The following PANK1 variants were observed in gnomAD, a reference collection of about 807,000 sequenced individuals.
PANK1 encodes the protein pantothenic acid kinase 1.
PANK1 carries 18 observed loss-of-function variants against 40.1 expected under a neutral mutation model. That is an observed-to-expected ratio of 0.45 (90% confidence interval 0.31 to 0.67). PANK1 has a LOEUF of 0.67. PANK1 is among the 30% of genes least tolerant of loss of function. The probability of loss-of-function intolerance (pLI) is 0.06; values close to 1 mark genes in which losing one functional copy is unlikely to be tolerated. For missense variants in PANK1, 457 were observed against 599.6 expected (o/e 0.76, Z 2.48); for synonymous variants, 242 against 237.7 (o/e 1.02, Z -0.17).
At chr10:89,622,967 C>T (rs1845540154) in intron 1 of PANK1, among the ~76,000 whole-genome samples, 1 of 152,022 alleles carries the variant, frequency 6.6e-6, no homozygotes, top group Non-Finnish European at 1.5e-5. Flanking sequence ...TTTAATTTAA[C>T]CATTAAAATC....
intron 2 of PANK1, among the ~76,000 whole-genome samples, chr10:89,610,588 C>T (rs1204068207): frequency 6.6e-6 from 1 of 152,122 alleles, no homozygotes; most frequent in African/African-American, 2.4e-5. Flanking sequence ...TTTGATGGCA[C>T]AAGTAAAATT....
intron 1 of PANK1, among the ~76,000 whole-genome samples, chr10:89,644,114 C>T (rs1390771012): frequency 1.3e-5 from 2 of 152,310 alleles, no homozygotes; most frequent in East Asian, 3.9e-4. Context: ...GACTTGCGCT[C>T]TCCAATAGAC....
Position 89,584,202 on chromosome 10 carries a change from C to G in PANK1, c.*204G>C. The G allele has an allele frequency of 2.0e-6, 1 of 491,228 alleles. No individual in the cohort carries two copies. The highest frequency in any genetic ancestry group is 4.2e-5 in the South Asian group (1 of 23,786). The allele number at this position is 491,228 out of a possible 1,614,324, so 30.4% of individuals were successfully genotyped here. ...AAAAATACAGTATACAGAAAAAAAA[C>G]CTTTTATATTCCCCCGTTTTGAATC... On this transcript the variant is annotated 3_prime_UTR_variant, in exon 7 of 7. Coordinates refer to ENST00000307534, the MANE Select transcript of PANK1 (RefSeq NM_148977.3).
chr10:89,621,182 T>C (rs575712592), intron 1 of PANK1, among the ~76,000 whole-genome samples: 4 of 152,162 alleles, frequency 2.6e-5, no homozygotes, highest in Admixed American at 6.5e-5. Context: ...ATGCCTGTAA[T>C]CCTAGCTACA....
At chr10:89,582,362 C>G (rs1377740661), downstream of PANK1, 1 of 152,176 alleles carries the variant, frequency 6.6e-6, no homozygotes, top group African/African-American at 2.4e-5. Context: ...TTGTAAAAAA[C>G]AGGCTGGCTA....
At chr10:89,601,251 G>A (rs1026334127) in intron 2 of PANK1, among the ~76,000 whole-genome samples, 3 of 147,806 alleles carry the variant, frequency 2.0e-5, no homozygotes, top group African/African-American at 7.6e-5. Context: ...GAGGTGAGAG[G>A]ATCACTTGAG....
intron 1 of PANK1, among the ~76,000 whole-genome samples, chr10:89,640,424 C>A (rs965011942): frequency 6.6e-6 from 1 of 152,040 alleles, no homozygotes; most frequent in Non-Finnish European, 1.5e-5. Flanking sequence ...CAAACACACA[C>A]ACGATTACCC....
rs1564620194 is a variant in PANK1 at position 89,595,868 on chromosome 10, AT to A, written c.900-1880del. Among the ~76,000 whole-genome samples, 290 of 120,608 alleles carry A rather than the reference AT, an allele frequency of 2.4e-3. 24 individuals carry two copies. The highest frequency in any genetic ancestry group is 5.0e-3 in the Middle Eastern group (1 of 202). The allele number at this position is 120,608 out of a possible 152,430, so 79.1% of individuals were successfully genotyped here. On this transcript the variant is annotated intron_variant, in intron 3 of 6. Transcript: ENST00000307534. The stretch of plus-strand genomic sequence containing the variant: ...TATATATATATATATATATATATAT[AT>A]ATATAACTTCATTTACTAATATATA...
intron 1 of PANK1, 70 bp from the exon 2 acceptor site, chr10:89,612,118 A>T: frequency 8.1e-7 from 1 of 1,234,396 alleles, no homozygotes; most frequent in Non-Finnish European, 1.1e-6. Context: ...TTTGAATATT[A>T]AATAAGCAAA....
In PANK1 at chr10:89,622,897, TACA is replaced by T. The variant is rs1323299352; in HGVS notation, c.293-10852_293-10850del. ...TTATAATAAGAAAACTAATTTATTG[TACA>T]ACAACAGAGGGCTAATTAAACAAAT... On this transcript the variant is annotated intron_variant, in intron 1 of 6. Coordinates refer to ENST00000307534, the MANE Select transcript of PANK1 (RefSeq NM_148977.3). Among the ~76,000 whole-genome samples, 7 of 152,040 alleles carry T rather than the reference TACA, an allele frequency of 4.6e-5. No individual in the cohort carries two copies. In the East Asian group the frequency reaches 5.8e-4, roughly 13 times the overall value.
intron 1 of PANK1, among the ~76,000 whole-genome samples, chr10:89,630,196 AC>A: frequency 6.6e-6 from 1 of 152,334 alleles, no homozygotes; most frequent in East Asian, 1.9e-4. Flanking sequence ...TACCGGCCAA[AC>A]GTTAAGACTT....
At chr10:89,643,710 A>G in intron 1 of PANK1, 1 of 1,613,706 alleles carries the variant, frequency 6.2e-7, no homozygotes, top group Non-Finnish European at 8.5e-7. Context: ...GCTTTTTGCC[A>G]TTTATAAGCT....
intron 6 of PANK1, 42 bp downstream of exon 6, chr10:89,588,610 A>T (rs759981232): frequency 2.7e-6 from 4 of 1,488,190 alleles, no homozygotes; most frequent in African/African-American, 1.4e-5. Context: ...AAACCAAAAT[A>T]TACTCCACAT....
In PANK1 at chr10:89,588,761, A is replaced by G; in HGVS notation, c.1217T>C (p.Val406Ala). The change falls in exon 6 of 7, where the codon GTG becomes GCG. Residue 406 changes from valine to alanine, a missense_variant. Physicochemically the swap from Val to Ala is moderately conservative, Grantham distance 64. Transcript: ENST00000307534. The stretch of plus-strand genomic sequence containing the variant: ...GATTCTGAGAAAATTTCCAACAAAC[A>G]CAACTCTGTCTATGTTCTGGAAAAA... ...CALNENIDRV[V>A]FVGNFLRINM... 6.3e-7 allele frequency: 1 copy of G among 1,596,904 alleles called. No individual in the cohort carries two copies. Among genetic ancestry groups the G allele is most frequent in the Non-Finnish European group, 8.5e-7 (1 of 1,172,672 alleles).
At chr10:89,585,480 G>A (rs921250585) in intron 6 of PANK1, among the ~76,000 whole-genome samples, 5 of 152,178 alleles carry the variant, frequency 3.3e-5, no homozygotes, top group Non-Finnish European at 5.9e-5. Context: ...GTGGCAGGAT[G>A]TGGATGGATC....
At chr10:89,624,112 G>A (rs906183857) in intron 1 of PANK1, among the ~76,000 whole-genome samples, 4 of 152,108 alleles carry the variant, frequency 2.6e-5, no homozygotes, top group African/African-American at 9.7e-5. Context: ...ATTTGAGAGG[G>A]AAAAAGAGAA....
intron 1 of PANK1, chr10:89,626,249 T>A (rs1262108589): frequency 1.3e-5 from 2 of 151,768 alleles, no homozygotes; most frequent in Non-Finnish European, 2.9e-5. Context: ...TTCTGCCCAA[T>A]CTAGAGGCAA....
At chr10:89,623,134 G>C (rs1393801166) in intron 1 of PANK1, among the ~76,000 whole-genome samples, 1 of 152,076 alleles carries the variant, frequency 6.6e-6, no homozygotes, top group Non-Finnish European at 1.5e-5. Flanking sequence ...AGAAACTTTA[G>C]GCCAAAATGT....
intron 2 of PANK1, among the ~76,000 whole-genome samples, chr10:89,609,256 G>A (rs1449250026): frequency 6.6e-6 from 1 of 152,056 alleles, no homozygotes; most frequent in Non-Finnish European, 1.5e-5. Flanking sequence ...GTAGAGACAG[G>A]GTTACACCAT....
Sources: gnomAD v4.1 joint callset for allele counts (sites outside exome capture counted in the v4.1 genomes callset) on GRCh38, gnomAD v4.1.1 for gene constraint, MANE v1.5 for transcripts, NCBI Gene and HGNC (gene_info 2026-07-23, HGNC 2026-07-21) for gene names.